APPL1: variants seen among roughly 807,000 people sequenced by gnomAD.
APPL1 encodes adaptor protein, phosphotyrosine interacting with PH domain and leucine zipper 1.
A neutral mutation model predicts 106.8 loss-of-function variants in APPL1; 42 were observed. That is an observed-to-expected ratio of 0.39 (90% confidence interval 0.31 to 0.51). The LOEUF (loss-of-function observed/expected upper bound fraction) is 0.51, where lower values mean the gene tolerates loss of function less well. Ranked by LOEUF, APPL1 falls within the 20% of genes least tolerant of loss-of-function variation. APPL1 has a pLI of 0.75. For synonymous variants in APPL1, 263 were observed against 281.8 expected (o/e 0.93, Z 0.67); for missense variants, 769 against 858.2 (o/e 0.90, Z 1.30).
chr3:57,250,808 T>TC lies in APPL1; in HGVS notation c.1052+1260_1052+1261insC, dbSNP rs1324984973. On this transcript the variant is annotated intron_variant, in intron 11 of 21. Coordinates refer to ENST00000288266, the MANE Select transcript of APPL1 (RefSeq NM_012096.3). ...TTTGACCTTTGAACTTTCTTTCTTTTTTTTTTTTTTTTTTTTTGAGACGGA... is the reference window on the plus strand; with the variant it reads ...TTTGACCTTTGAACTTTCTTTCTTTTCTTTTTTTTTTTTTTTTTGAGACGGA... 3.5e-5 allele frequency among the ~76,000 whole-genome samples: 5 copies of TC among 142,290 alleles called. No homozygotes were observed. The East Asian group carries it at 1.0e-3, about 30-fold the overall frequency. The allele number at this position is 142,290 out of a possible 152,430, so 93.3% of individuals were successfully genotyped here.
intron 7 of APPL1, among the ~76,000 whole-genome samples, chr3:57,244,881 G>A (rs2107601435): frequency 6.6e-6 from 1 of 152,288 alleles, no homozygotes; most frequent in Non-Finnish European, 1.5e-5. Context: ...TACTGAAAAT[G>A]GAGAGGAAGG....
intron 19 of APPL1, among the ~76,000 whole-genome samples, chr3:57,262,651 G>C (rs1260728331): frequency 1.3e-5 from 2 of 151,544 alleles, no homozygotes; most frequent in Non-Finnish European, 2.9e-5. Flanking sequence ...CTCCCAAAGT[G>C]CTGGGATTAC....
Position 57,271,186 on chromosome 3 carries a change from C to G in APPL1, c.*1499C>G, listed in dbSNP as rs189683917. On this transcript the variant is annotated 3_prime_UTR_variant, in exon 22 of 22. Transcript: ENST00000288266. ...CTTCTTAGTTCTGCATTAGAAATGG[C>G]ATCTGTTTTAGGTCTCAAAATATAA... is the stretch of plus-strand genomic sequence containing the variant. 7 of 151,808 alleles carry G rather than the reference C, an allele frequency of 4.6e-5. No individual in the cohort carries two copies. The highest frequency in any genetic ancestry group is 1.7e-4 in the African/African-American group (7 of 41,148). The allele number at this position is 151,808 out of a possible 1,614,324, so 9.4% of individuals were successfully genotyped here. A position where few individuals can be genotyped will look rare whatever the true frequency, so the allele number is the denominator to read the frequency against.
Position 57,252,260 on chromosome 3 carries a change from C to T in APPL1, c.1053-9C>T. Reference sequence around the variant, plus strand: ...AACAGTTGAGGCTCAAACGTCTCTTCTCTTCCAGATCTTCAATTTTGCAAG... The same window carrying T: ...AACAGTTGAGGCTCAAACGTCTCTTTTCTTCCAGATCTTCAATTTTGCAAG... On this transcript the variant is annotated splice_polypyrimidine_tract_variant and intron_variant, in intron 11 of 21. Coordinates refer to ENST00000288266, the MANE Select transcript of APPL1 (RefSeq NM_012096.3). 1 of 1,607,358 alleles carries T rather than the reference C, an allele frequency of 6.2e-7. No individual in the cohort carries two copies. The highest frequency in any genetic ancestry group is 8.5e-7 in the Non-Finnish European group (1 of 1,177,062).
intron 1 of APPL1, among the ~76,000 whole-genome samples, chr3:57,234,550 G>A (rs1332913394): frequency 6.6e-6 from 1 of 151,742 alleles, no homozygotes; most frequent in African/African-American, 2.4e-5. Context: ...CACCCGCCTC[G>A]GCCTCCCAAA....
At chr3:57,239,870 AT>A (rs1245465540) in intron 4 of APPL1, among the ~76,000 whole-genome samples, 2 of 152,086 alleles carry the variant, frequency 1.3e-5, no homozygotes, top group African/African-American at 4.8e-5. Flanking sequence ...TGTATTTAAA[AT>A]TTTTTTAAAA....
At chr3:57,264,588 AAAAT>A (rs1423329967) in intron 19 of APPL1, among the ~76,000 whole-genome samples, 2 of 150,754 alleles carry the variant, frequency 1.3e-5, no homozygotes, top group Non-Finnish European at 3.0e-5. Flanking sequence ...AAAATAAAAA[AAAAT>A]TTTTTTAAAA....
intron 8 of APPL1, 73 bp from the exon 9 acceptor site, chr3:57,247,322 T>C: frequency 1.2e-6 from 1 of 822,888 alleles, no homozygotes; most frequent in Non-Finnish European, 2.0e-6. Flanking sequence ...TAGAGATTGT[T>C]TATATGATTT....
At chr3:57,234,797 A>C (rs1323021510) in intron 1 of APPL1, among the ~76,000 whole-genome samples, 1 of 151,832 alleles carries the variant, frequency 6.6e-6, no homozygotes, top group Non-Finnish European at 1.5e-5. Flanking sequence ...CTGTGACTAC[A>C]GGCACGTGCC....
chr3:57,240,627 T>A (rs773293358), intron 5 of APPL1, 75 bp downstream of exon 5: 41 of 1,292,118 alleles, frequency 3.2e-5, no homozygotes, highest in Admixed American at 1.4e-4. Context: ...TACTCTGTAC[T>A]TACACCATTT....
At chr3:57,242,787 G>C (rs911436152) in intron 6 of APPL1, 69 bp from the exon 7 acceptor site, 12 of 1,165,978 alleles carry the variant, frequency 1.0e-5, no homozygotes, top group Non-Finnish European at 1.4e-5. Flanking sequence ...CACATGTGAA[G>C]ACCATTGAAA....
In APPL1 at chr3:57,237,430, T is replaced by G. The variant is rs2060722185; in HGVS notation, c.154-62T>G. 1.0e-5 allele frequency: 12 copies of G among 1,148,554 alleles called. No individual in the cohort carries two copies. In the South Asian group the frequency reaches 1.8e-4, roughly 17 times the overall value. 71.1% of individuals were successfully genotyped at this position (1,148,554 alleles called of 1,614,324 possible). On this transcript the variant is annotated intron_variant, in intron 2 of 21. Transcript: ENST00000288266. ...AGTGATAATAAATAAATTAGGTATT[T>G]AATTAGAAAAAACTAAAACTTTTTT... is the stretch of plus-strand genomic sequence containing the variant.
chr3:57,234,802 C>T (rs1191482798), intron 1 of APPL1, among the ~76,000 whole-genome samples: 3 of 151,700 alleles, frequency 2.0e-5, no homozygotes, highest in South Asian at 4.2e-4. Context: ...ACTACAGGCA[C>T]GTGCCACCAC....
chr3:57,261,202 C>T (rs1424147312), intron 19 of APPL1, among the ~76,000 whole-genome samples: 1 of 152,184 alleles, frequency 6.6e-6, no homozygotes, highest in Non-Finnish European at 1.5e-5. Context: ...CAAGTGAGAA[C>T]ATGTGATATT....
At chr3:57,231,326 G>A (rs1483507086) in intron 1 of APPL1, among the ~76,000 whole-genome samples, 1 of 121,676 alleles carries the variant, frequency 8.2e-6, no homozygotes, top group South Asian at 3.0e-4. Flanking sequence ...GCAACCGTGC[G>A]AGACTCCGTC....
At position 57,235,599 on chromosome 3, in the gene APPL1, G is replaced by A. The variant is rs368795074; in HGVS notation, c.88G>A (p.Ala30Thr). 1.4e-5 allele frequency: 23 copies of A among 1,612,958 alleles called. No individual in the cohort carries two copies. The highest frequency in any genetic ancestry group is 3.4e-6 in the Non-Finnish European group (4 of 1,179,322). The change falls in exon 2 of 22, where the codon GCC (alanine) becomes ACC (threonine). Residue 30 changes from alanine (A) to threonine (T), a missense_variant. Physicochemically the swap from Ala to Thr is moderately conservative, Grantham distance 58. Transcript: ENST00000288266. ...RSLLGVFEED[A>T]TAISNYMNQL... ...TTTACTAGGTGTATTTGAAGAAGAT[G>A]CCACAGCTATTTCCAACTATATGAA... is the stretch of plus-strand genomic sequence containing the variant.
At chr3:57,236,690 G>C (rs751696521) in intron 2 of APPL1, among the ~76,000 whole-genome samples, 1 of 152,172 alleles carries the variant, frequency 6.6e-6, no homozygotes, top group Non-Finnish European at 1.5e-5. Flanking sequence ...TTAAAAGAAG[G>C]CACTAAAAAT....
rs778709990 is a variant in APPL1, at chr3:57,259,062, A to C, written c.1465A>C (p.Thr489Pro). 3.1e-6 allele frequency: 5 copies of C among 1,612,784 alleles called. No homozygotes were observed. The East Asian group carries it at 1.1e-4, about 36-fold the overall frequency. ...TNPFGESGGSTKSETEDSILH... is the reference protein window; with the variant it reads ...TNPFGESGGSPKSETEDSILH... ...TCCATTTGGAGAATCTGGAGGAAGT[A>C]CAAAATCTGAAACTGAAGGTAAGAC... Residue 489 changes from threonine (T) to proline (P), a missense_variant, in exon 16 of 22, where the codon ACA becomes CCA. Thr to Pro is a conservative substitution (Grantham distance 38, BLOSUM62 -1). Coordinates refer to ENST00000288266, the MANE Select transcript of APPL1 (RefSeq NM_012096.3).
chr3:57,254,302 A>G (rs1398114896), intron 13 of APPL1, among the ~76,000 whole-genome samples: 1 of 152,250 alleles, frequency 6.6e-6, no homozygotes, highest in East Asian at 1.9e-4. Context: ...CCATGAAGAA[A>G]GGAAATACAG....
Sources: allele counts gnomAD v4.1 joint callset (sites outside exome capture counted in the v4.1 genomes callset), GRCh38; gene constraint gnomAD v4.1.1; transcripts MANE v1.5; gene names NCBI Gene and HGNC (gene_info 2026-07-23, HGNC 2026-07-21).